EYS: variants seen among roughly 807,000 people sequenced by gnomAD.
EYS encodes EGF-like photoreceptor maintenance factor, also known as protein eyes shut homolog.
A neutral mutation model predicts 282.1 loss-of-function variants in EYS; 250 were observed. The observed-to-expected ratio is 0.89, with a 90% CI of 0.80 to 0.98. EYS has a LOEUF of 0.98. Among genes scored for constraint, EYS ranks in the 50% least tolerant of loss-of-function variants. EYS has a pLI of 0.00. For synonymous variants in EYS, 1,355 were observed against 1,282.9 expected (o/e 1.06, Z -1.20); for missense variants, 4,016 against 3,709.0 (o/e 1.08, Z -2.15).
At chr6:64,231,492 AT>A (rs1766424760) in intron 30 of EYS, among the ~76,000 whole-genome samples, 1 of 152,058 alleles carries the variant, frequency 6.6e-6, no homozygotes, top group Non-Finnish European at 1.5e-5. Flanking sequence ...CTCAAACCAA[AT>A]AAGATTGCTA....
intron 28 of EYS, 101 bp from the exon 29 acceptor site, chr6:64,388,941 G>C (rs1773006501): frequency 1.3e-6 from 1 of 797,758 alleles, no homozygotes; most frequent in Non-Finnish European, 1.8e-6. Flanking sequence ...TAAGTAAATA[G>C]ATTATTTCAC....
At position 64,788,528 on chromosome 6, in the gene EYS, T is replaced by C. The variant is rs377408341; in HGVS notation, c.3443+24850A>G. Among the ~76,000 whole-genome samples the C allele has an allele frequency of 3.3e-5, 5 of 152,280 alleles. No homozygotes were observed. In the South Asian group the frequency reaches 8.3e-4, roughly 25 times the overall value. ...TTTAGGTGTTCATGTGTATGTTTGTTGCGTGAGACGTGGTAGAGGGGATAA... is the reference window on the plus strand; with the variant it reads ...TTTAGGTGTTCATGTGTATGTTTGTCGCGTGAGACGTGGTAGAGGGGATAA... On this transcript the variant is annotated intron_variant, in intron 22 of 42. Transcript: ENST00000503581.
At chr6:64,390,982 A>C (rs1773112286) in intron 28 of EYS, among the ~76,000 whole-genome samples, 1 of 152,144 alleles carries the variant, frequency 6.6e-6, no homozygotes, top group Non-Finnish European at 1.5e-5. Flanking sequence ...AGAATGCAGA[A>C]GCCTCAGGAG....
At chr6:64,582,943 T>C (rs1766120843) in intron 26 of EYS, among the ~76,000 whole-genome samples, 1 of 152,160 alleles carries the variant, frequency 6.6e-6, no homozygotes, top group South Asian at 2.1e-4. Context: ...TTTCAGCAGA[T>C]ACAGTTGGCC....
rs567677553 is a variant in EYS at position 65,617,478 on chromosome 6, T to G, written c.-333+22300A>C. On this transcript the variant is annotated intron_variant, in intron 2 of 42. Transcript: ENST00000503581. ...ATTAGCAAGGTATATTGATAAATGTTTAATGAGACCTGAATTAAAATTATA... is the reference window on the plus strand; with the variant it reads ...ATTAGCAAGGTATATTGATAAATGTGTAATGAGACCTGAATTAAAATTATA... Among the ~76,000 whole-genome samples, 13 of 152,186 alleles carry G rather than the reference T, an allele frequency of 8.5e-5. No homozygotes were observed. The South Asian group carries it at 2.7e-3, about 32-fold the overall frequency.
At chr6:65,606,444 T>G (rs1277073077) in intron 2 of EYS, among the ~76,000 whole-genome samples, 1 of 151,988 alleles carries the variant, frequency 6.6e-6, no homozygotes, top group Admixed American at 6.6e-5. Context: ...AATTTGAATT[T>G]TGTTTTTTTG....
chr6:65,229,907 T>C (rs968454967), intron 12 of EYS, among the ~76,000 whole-genome samples: 6 of 151,894 alleles, frequency 4.0e-5, no homozygotes, highest in Non-Finnish European at 7.4e-5. Context: ...CAGAATAAAG[T>C]GCACATGGGT....
At chr6:63,897,380 G>A (rs989826930) in intron 35 of EYS, among the ~76,000 whole-genome samples, 1 of 152,150 alleles carries the variant, frequency 6.6e-6, no homozygotes, top group African/African-American at 2.4e-5. Flanking sequence ...TTATCTGGGT[G>A]CCCTCTGAAT....
chr6:63,962,701 T>C lies in EYS; in HGVS notation c.7055+21682A>G, dbSNP rs539006947. 5.9e-5 allele frequency among the ~76,000 whole-genome samples: 9 copies of C among 152,292 alleles called. No individual in the cohort carries two copies. The East Asian group carries it at 1.2e-3, about 20-fold the overall frequency. ...TCAACCATTGTGGAAGTCAGTGTGG[T>C]GATTCCTCAGGGATCTAGAACTAGA... is the stretch of plus-strand genomic sequence containing the variant. On this transcript the variant is annotated intron_variant, in intron 35 of 42. Transcript: ENST00000503581.
chr6:65,018,676 G>T (rs190393018), intron 13 of EYS, among the ~76,000 whole-genome samples: 131 of 152,110 alleles, frequency 8.6e-4, no homozygotes, highest in Non-Finnish European at 1.5e-3. Flanking sequence ...TCTGTATGTT[G>T]GTTTTTGTTT....
intron 22 of EYS, among the ~76,000 whole-genome samples, chr6:64,683,200 T>G (rs1769966442): frequency 6.6e-6 from 1 of 152,210 alleles, no homozygotes; most frequent in Non-Finnish European, 1.5e-5. Context: ...TAGCCTATCA[T>G]TCACAATCCA....
chr6:64,515,936 A>C (rs1777549142), intron 26 of EYS, among the ~76,000 whole-genome samples: 1 of 151,782 alleles, frequency 6.6e-6, no homozygotes, highest in African/African-American at 2.4e-5. Context: ...TAATTCCCAT[A>C]TAATTTTATT....
At chr6:64,636,366 CT>C (rs551749926) in intron 22 of EYS, among the ~76,000 whole-genome samples, 150 of 152,206 alleles carry the variant, frequency 9.9e-4, no homozygotes, top group African/African-American at 3.4e-3. Flanking sequence ...ACAAATGGTG[CT>C]GGGAAAACTG....
intron 22 of EYS, among the ~76,000 whole-genome samples, chr6:64,747,552 T>C (rs1017751298): frequency 2.6e-5 from 4 of 152,140 alleles, no homozygotes; most frequent in Non-Finnish European, 4.4e-5. Flanking sequence ...AGCTAATTTT[T>C]GTATTTTGGT....
At chr6:64,112,184 G>A (rs1206264474) in intron 31 of EYS, among the ~76,000 whole-genome samples, 1 of 151,988 alleles carries the variant, frequency 6.6e-6, no homozygotes, top group African/African-American at 2.4e-5. Context: ...CCTCTAATAT[G>A]TTGTTTTAAA....
intron 29 of EYS, among the ~76,000 whole-genome samples, chr6:64,344,974 T>A (rs1358359530): frequency 6.6e-6 from 1 of 152,024 alleles, no homozygotes; most frequent in African/African-American, 2.4e-5. Flanking sequence ...ATAAAATACC[T>A]AGGAATCCAA....
rs185892094 is a variant in EYS, at chr6:64,810,366, A to G, written c.3443+3012T>C. Among the ~76,000 whole-genome samples, 4 of 152,226 alleles carry G rather than the reference A, an allele frequency of 2.6e-5. No individual in the cohort carries two copies. The East Asian group carries it at 7.7e-4, about 29-fold the overall frequency. ...AATTTATAACATATAGCATTCATGAAAAAAGACCATTCCTTGGTTTAATTT... is the reference window on the plus strand; with the variant it reads ...AATTTATAACATATAGCATTCATGAGAAAAGACCATTCCTTGGTTTAATTT... On this transcript the variant is annotated intron_variant, in intron 22 of 42. Coordinates refer to ENST00000503581, the MANE Select transcript of EYS (RefSeq NM_001142800.2).
intron 22 of EYS, among the ~76,000 whole-genome samples, chr6:64,766,649 A>AAAAAAATATATATATATATAT (rs1387919586): frequency 5.2e-5 from 1 of 19,050 alleles, no homozygotes; most frequent in African/African-American, 1.8e-4. Context: ...AAAAAAAAAA[A>AAAAAAATATATATATATATAT]ATATATATAT....
At chr6:64,630,758 G>A (rs1767752617) in intron 22 of EYS, among the ~76,000 whole-genome samples, 1 of 152,036 alleles carries the variant, frequency 6.6e-6, no homozygotes, top group Admixed American at 6.6e-5. Context: ...TTCCTTCAAG[G>A]TTATGTGATG....
Sources: allele counts gnomAD v4.1 joint callset (sites outside exome capture counted in the v4.1 genomes callset), GRCh38; gene constraint gnomAD v4.1.1; transcripts MANE v1.5; gene names NCBI Gene and HGNC (gene_info 2026-07-23, HGNC 2026-07-21).